The following CSGALNACT1 variants were observed in gnomAD, a reference collection of about 807,000 sequenced individuals.
The protein encoded by CSGALNACT1 is chondroitin sulfate N-acetylgalactosaminyltransferase 1.
In CSGALNACT1, 52 loss-of-function variants were observed where a neutral mutation model predicts 51.0. The ratio of observed to expected loss-of-function variants is 1.02; its 90% CI spans 0.82 to 1.29. The LOEUF is 1.29. CSGALNACT1 is among the 50% of genes most tolerant of loss of function. The probability of loss-of-function intolerance (pLI) is 0.00; values close to 1 mark genes in which losing one functional copy is unlikely to be tolerated. For synonymous variants in CSGALNACT1, 341 were observed against 254.4 expected (o/e 1.34, Z -3.24); for missense variants, 935 against 679.2 (o/e 1.38, Z -4.19).
intron 2 of CSGALNACT1, among the ~76,000 whole-genome samples, chr8:19,595,648 G>T (rs1354873631): frequency 1.3e-5 from 2 of 151,766 alleles, no homozygotes; most frequent in East Asian, 3.9e-4. Context: ...AGACATGGTG[G>T]CTCACACCTG....
intron 3 of CSGALNACT1, among the ~76,000 whole-genome samples, chr8:19,563,670 A>G (rs1564066927): frequency 6.6e-6 from 1 of 152,028 alleles, no homozygotes; most frequent in Non-Finnish European, 1.5e-5. Context: ...TGTGACTACC[A>G]TGGTAGCTTT....
At chr8:19,624,920 G>A (rs1397568146) in intron 1 of CSGALNACT1, among the ~76,000 whole-genome samples, 1 of 152,060 alleles carries the variant, frequency 6.6e-6, no homozygotes, top group Non-Finnish European at 1.5e-5. Flanking sequence ...CTCGTGACCC[G>A]CCCACCTCGG....
chr8:19,433,608 G>C (rs1256418736), intron 6 of CSGALNACT1, among the ~76,000 whole-genome samples: 1 of 152,192 alleles, frequency 6.6e-6, no homozygotes. Flanking sequence ...CTCTGAGTCA[G>C]GTCAAATAAA....
At chr8:19,431,459 T>C (rs766791373) in intron 6 of CSGALNACT1, among the ~76,000 whole-genome samples, 36 of 152,238 alleles carry the variant, frequency 2.4e-4, no homozygotes, top group Non-Finnish European at 4.4e-4. Flanking sequence ...TAATATGGCA[T>C]ATTTCATTGA....
intron 4 of CSGALNACT1, among the ~76,000 whole-genome samples, chr8:19,495,597 A>G (rs1200960396): frequency 6.6e-6 from 1 of 152,192 alleles, no homozygotes; most frequent in Non-Finnish European, 1.5e-5. Context: ...CTAAGTCACT[A>G]CTGATGGGTC....
At chr8:19,734,507 T>C (rs1411549640) in intron 1 of CSGALNACT1, among the ~76,000 whole-genome samples, 2 of 152,366 alleles carry the variant, frequency 1.3e-5, no homozygotes, top group Non-Finnish European at 2.9e-5. Context: ...ATTGCTGGGC[T>C]GAGCTCTCTG....
chr8:19,447,119 A>G (rs2062267694), intron 5 of CSGALNACT1, among the ~76,000 whole-genome samples: 1 of 152,218 alleles, frequency 6.6e-6, no homozygotes. Context: ...CTTAGCATAC[A>G]GGTGAGGGAA....
exon 1 of CSGALNACT1, chr8:19,682,486 C>CA: frequency 2.8e-6 from 1 of 354,208 alleles, no homozygotes; most frequent in South Asian, 2.1e-5. Context: ...CACACGAGAT[C>CA]AAAAAGATGA....
intron 1 of CSGALNACT1, among the ~76,000 whole-genome samples, chr8:19,702,831 A>C (rs2061955885): frequency 6.6e-6 from 1 of 152,120 alleles, no homozygotes; most frequent in African/African-American, 2.4e-5. Context: ...GTGCAGAAGG[A>C]AAAGCTCTGG....
At chr8:19,636,559 T>C (rs542472764) in intron 1 of CSGALNACT1, among the ~76,000 whole-genome samples, 1 of 152,328 alleles carries the variant, frequency 6.6e-6, no homozygotes, top group African/African-American at 2.4e-5. Flanking sequence ...CTCTGAAAAG[T>C]GTTGACAAGT....
intron 1 of CSGALNACT1, among the ~76,000 whole-genome samples, chr8:19,698,736 T>G (rs575994085): frequency 6.6e-6 from 1 of 152,034 alleles, no homozygotes; most frequent in Admixed American, 6.5e-5. Context: ...TGCAAAATGG[T>G]GCAGCTGCTA....
At chr8:19,555,695 C>A (rs978454693) in intron 3 of CSGALNACT1, among the ~76,000 whole-genome samples, 1 of 152,132 alleles carries the variant, frequency 6.6e-6, no homozygotes, top group African/African-American at 2.4e-5. Context: ...TAGCATGTTA[C>A]GGGTGGTTAG....
At chr8:19,742,971 A>G (rs2064409536) in intron 1 of CSGALNACT1, among the ~76,000 whole-genome samples, 1 of 152,208 alleles carries the variant, frequency 6.6e-6, no homozygotes, top group Non-Finnish European at 1.5e-5. Flanking sequence ...ACTGGACTAG[A>G]TGATCTATAC....
chr8:19,450,578 C>A (rs1021860478), intron 5 of CSGALNACT1, among the ~76,000 whole-genome samples: 1 of 152,044 alleles, frequency 6.6e-6, no homozygotes, highest in African/African-American at 2.4e-5. Context: ...TGCCACAGTT[C>A]CAGGCATTTG....
chr8:19,712,187 G>A (rs368713509), intron 1 of CSGALNACT1, among the ~76,000 whole-genome samples: 48 of 152,152 alleles, frequency 3.2e-4, no homozygotes, highest in East Asian at 1.7e-3. Flanking sequence ...CGCCACGCCC[G>A]GCTAATTTTT....
chr8:19,749,158 GAACT>G (rs1021987633), intron 1 of CSGALNACT1, among the ~76,000 whole-genome samples: 6 of 150,848 alleles, frequency 4.0e-5, no homozygotes, highest in Admixed American at 4.0e-4. Context: ...AGAACCATTT[GAACT>G]AACTTGGGTT....
intron 6 of CSGALNACT1, among the ~76,000 whole-genome samples, chr8:19,436,974 T>C (rs982785603): frequency 6.6e-6 from 1 of 152,224 alleles, no homozygotes; most frequent in African/African-American, 2.4e-5. Context: ...TATTTTTCTC[T>C]TGATGAAGAA....
At chr8:19,498,478 C>T (rs2153980089) in intron 4 of CSGALNACT1, among the ~76,000 whole-genome samples, 1 of 152,334 alleles carries the variant, frequency 6.6e-6, no homozygotes, top group East Asian at 1.9e-4. Context: ...GTGCAGGGCG[C>T]TCTTTGCCTG....
At chr8:19,550,164 T>A (rs536868516) in intron 3 of CSGALNACT1, among the ~76,000 whole-genome samples, 1 of 152,298 alleles carries the variant, frequency 6.6e-6, no homozygotes, top group South Asian at 2.1e-4. Context: ...AGGTTTTTGT[T>A]TTTAAGCGAA....
Sources: gnomAD v4.1 joint callset for allele counts (sites outside exome capture counted in the v4.1 genomes callset) on GRCh38, gnomAD v4.1.1 for gene constraint, MANE v1.5 for transcripts, NCBI Gene and HGNC (gene_info 2026-07-23, HGNC 2026-07-21) for gene names.